Variants in KIZ observed in about 807,000 individuals in gnomAD.
KIZ encodes the protein kizuna centrosomal protein.
In KIZ, 68 loss-of-function variants were observed where a neutral mutation model predicts 79.6. That is an observed-to-expected ratio of 0.85 (90% CI 0.70 to 1.05). KIZ has a LOEUF of 1.05. KIZ is among the 50% of genes least tolerant of loss of function. KIZ has a pLI of 0.00. For missense variants in KIZ, 797 were observed against 800.4 expected (o/e 1.00, Z 0.05); for synonymous variants, 280 against 281.8 (o/e 0.99, Z 0.06).
At chr20:21,148,142 A>G (rs865778278) in intron 4 of KIZ, among the ~76,000 whole-genome samples, 2 of 152,100 alleles carry the variant, frequency 1.3e-5, no homozygotes, top group African/African-American at 4.8e-5. Context: ...AGACAGGAGG[A>G]ATTAACAGAA....
chr20:21,155,014 T>G (rs1037917017), intron 4 of KIZ, among the ~76,000 whole-genome samples: 10 of 152,234 alleles, frequency 6.6e-5, no homozygotes, highest in African/African-American at 2.4e-4. Context: ...AGCAGTTAAT[T>G]TTTGCAAGTT....
chr20:21,211,705 C>G (rs901610387), intron 7 of KIZ, among the ~76,000 whole-genome samples: 1 of 152,224 alleles, frequency 6.6e-6, no homozygotes, highest in Admixed American at 6.5e-5. Context: ...CAAACTCCTT[C>G]AGATTGGAGG....
At chr20:21,194,661 G>A (rs558825838) in intron 6 of KIZ, 11 of 152,198 alleles carry the variant, frequency 7.2e-5, no homozygotes, top group Non-Finnish European at 1.5e-4. Flanking sequence ...AGTACCAAGG[G>A]GGAAACCCTG....
chr20:21,240,694 A>T (rs957927860), intron 11 of KIZ, among the ~76,000 whole-genome samples: 1 of 140,808 alleles, frequency 7.1e-6, no homozygotes, highest in African/African-American at 2.5e-5. Context: ...TGCCCAGGCC[A>T]CTGCCTCAGT....
chr20:21,162,250 A>G lies in KIZ; in HGVS notation c.785A>G (p.Lys262Arg). The change falls in exon 5 of 13, where the codon AAG (lysine) becomes AGG (arginine). Residue 262 changes from lysine to arginine, a missense_variant. By Grantham distance (26) the Lys-to-Arg change is conservative. Coordinates refer to ENST00000619189, the MANE Select transcript of KIZ (RefSeq NM_018474.6). ...LEIGSNTRHGKSNLSEGKKSA... is the reference protein window; with the variant it reads ...LEIGSNTRHGRSNLSEGKKSA... ...ATAGGAAGTAACACACGTCATGGCA[A>G]GAGTAATTTATCTGAAGGCAAAAAG... 1 of 1,614,030 alleles carries G rather than the reference A, an allele frequency of 6.2e-7. No homozygotes were observed. Among genetic ancestry groups the G allele is most frequent in the Non-Finnish European group, 8.5e-7 (1 of 1,179,882 alleles).
At chr20:21,230,655 C>CACAGT (rs1337674851) in intron 10 of KIZ, among the ~76,000 whole-genome samples, 2 of 152,154 alleles carry the variant, frequency 1.3e-5, no homozygotes, top group African/African-American at 4.8e-5. Flanking sequence ...AAGTGCCCAG[C>CACAGT]ACAGTGCCTA....
intron 9 of KIZ, among the ~76,000 whole-genome samples, chr20:21,216,234 G>A (rs1313163224): frequency 1.3e-5 from 2 of 152,130 alleles, no homozygotes; most frequent in South Asian, 2.1e-4. Context: ...GCAGCAATTA[G>A]TATTCTGTAC....
At chr20:21,211,272 A>T (rs1159051963) in intron 7 of KIZ, among the ~76,000 whole-genome samples, 1 of 152,236 alleles carries the variant, frequency 6.6e-6, no homozygotes, top group Non-Finnish European at 1.5e-5. Flanking sequence ...AGAACGATTT[A>T]TCTGCCATAA....
At chr20:21,193,209 T>C (rs2035190104) in intron 6 of KIZ, among the ~76,000 whole-genome samples, 1 of 152,180 alleles carries the variant, frequency 6.6e-6, no homozygotes, top group Admixed American at 6.5e-5. Context: ...CATTTTGAGA[T>C]TGCTATTCCT....
intron 3 of KIZ, among the ~76,000 whole-genome samples, chr20:21,139,787 A>G (rs537763050): frequency 1.8e-4 from 28 of 152,340 alleles, no homozygotes; most frequent in African/African-American, 6.7e-4. Context: ...TTTTAACATG[A>G]CAAACTAGAT....
chr20:21,128,164 C>G (rs1239358351), intron 1 of KIZ, among the ~76,000 whole-genome samples: 2 of 152,146 alleles, frequency 1.3e-5, no homozygotes, highest in African/African-American at 4.8e-5. Flanking sequence ...AGGCGCCCAC[C>G]ACCAACCCCA....
At chr20:21,233,397 A>G (rs997209242) in intron 11 of KIZ, among the ~76,000 whole-genome samples, 2 of 152,284 alleles carry the variant, frequency 1.3e-5, no homozygotes, top group East Asian at 3.9e-4. Context: ...TTGAGCTGTG[A>G]TAAGAGAGTT....
intron 3 of KIZ, among the ~76,000 whole-genome samples, chr20:21,139,248 T>G (rs1318199295): frequency 1.3e-5 from 2 of 152,116 alleles, no homozygotes; most frequent in Non-Finnish European, 2.9e-5. Context: ...ATTCTGAGCC[T>G]TCTTTGATCT....
chr20:21,183,050 AG>A (rs1157356519), intron 6 of KIZ, among the ~76,000 whole-genome samples: 1 of 152,126 alleles, frequency 6.6e-6, no homozygotes. Flanking sequence ...TCCCATGAAA[AG>A]GAAGAAGGGA....
Position 21,162,961 on chromosome 20 carries a change from A to G in KIZ, c.1154A>G (p.Asp385Gly), listed in dbSNP as rs1378780450. The change falls in exon 6 of 13, where the codon GAT (aspartate) becomes GGT (glycine). Residue 385 changes from aspartate (D) to glycine (G), a missense_variant. Asp to Gly is a moderately conservative substitution (Grantham distance 94). Transcript: ENST00000619189. ...SSDLTISISE[D>G]DLILESPEPQ... is the part of the protein sequence containing the mutation. ...GACCTTACCATTTCAATAAGTGAAG[A>G]TGATCTGATTTTAGAGAGCCCAGAA... 2.5e-6 allele frequency: 4 copies of G among 1,613,782 alleles called. No individual in the cohort carries two copies. The highest frequency in any genetic ancestry group is 2.2e-5 in the East Asian group (1 of 44,870).
chr20:21,145,107 C>T (rs570915554), intron 3 of KIZ, among the ~76,000 whole-genome samples: 28 of 151,458 alleles, frequency 1.8e-4, no homozygotes, highest in African/African-American at 6.1e-4. Context: ...ATTGCTGTGA[C>T]GATCAGAATC....
At chr20:21,179,077 G>T (rs982946041) in intron 6 of KIZ, among the ~76,000 whole-genome samples, 1 of 152,080 alleles carries the variant, frequency 6.6e-6, no homozygotes, top group South Asian at 2.1e-4. Flanking sequence ...GGTAATGCGG[G>T]CCTAATAAAA....
At chr20:21,172,418 C>A (rs998502111) in intron 6 of KIZ, among the ~76,000 whole-genome samples, 4 of 152,040 alleles carry the variant, frequency 2.6e-5, no homozygotes, top group African/African-American at 9.7e-5. Flanking sequence ...GCCTGGGCAA[C>A]GTGGTGAAAC....
At chr20:21,151,458 C>G (rs2033110389) in intron 4 of KIZ, 1 of 151,582 alleles carries the variant, frequency 6.6e-6, no homozygotes, top group Non-Finnish European at 1.5e-5. Flanking sequence ...GATAGAGGTG[C>G]CTATCGTGTA....
Sources: gnomAD v4.1 joint callset for allele counts (sites outside exome capture counted in the v4.1 genomes callset) on GRCh38, gnomAD v4.1.1 for gene constraint, MANE v1.5 for transcripts, NCBI Gene and HGNC (gene_info 2026-07-23, HGNC 2026-07-21) for gene names.